AFF2: variants seen among roughly 807,000 people sequenced by gnomAD.
AFF2 encodes ALF transcription elongation factor 2.
In AFF2, 14 loss-of-function variants were observed where a neutral mutation model predicts 76.9. The observed-to-expected ratio is 0.18, with a 90% CI of 0.12 to 0.28. The LOEUF is 0.28. AFF2 is among the 10% of genes least tolerant of loss of function. The probability of loss-of-function intolerance (pLI) is 1.00; values close to 1 mark genes in which losing one functional copy is unlikely to be tolerated. For missense variants in AFF2, 868 were observed against 1,001.1 expected (o/e 0.87, Z 1.79); for synonymous variants, 398 against 366.7 (o/e 1.09, Z -0.98).
chrX:148,966,690 TTTGCC>T, intron 13 of AFF2, 95 bp from the exon 14 acceptor site: 1 of 1,110,410 alleles, frequency 9.0e-7, no homozygotes, highest in African/African-American at 1.9e-5. Flanking sequence ...TTTTTTTTTT[TTTGCC>T]TTCTTTCGTA....
chrX:148,775,409 T>G (rs7890217), intron 3 of AFF2, among the ~76,000 whole-genome samples: 1 of 112,100 alleles, frequency 8.9e-6, no homozygotes, highest in Non-Finnish European at 1.9e-5. Flanking sequence ...CTTAAACTTT[T>G]CACATTAAAT....
At chrX:148,810,144 C>T (rs2070185510) in intron 4 of AFF2, among the ~76,000 whole-genome samples, 1 of 112,018 alleles carries the variant, frequency 8.9e-6, no homozygotes, top group Non-Finnish European at 1.9e-5. Context: ...TCTGCCCTAT[C>T]CATTCCTACA....
chrX:148,902,637 A>G (rs782139062), intron 8 of AFF2, among the ~76,000 whole-genome samples: 8 of 111,779 alleles, frequency 7.2e-5, no homozygotes, highest in Non-Finnish European at 1.1e-4. Context: ...TCCTCTGTAC[A>G]TGGACTGCAA....
intron 1 of AFF2, among the ~76,000 whole-genome samples, chrX:148,602,211 A>G (rs183796322): frequency 1.8e-3 from 201 of 111,760 alleles, no homozygotes; most frequent in African/African-American, 6.5e-3. Context: ...GGAGAAAGAG[A>G]AAGGAGGCCA....
chrX:148,593,237 G>A (rs3790346), intron 1 of AFF2, among the ~76,000 whole-genome samples: 1 of 112,312 alleles, frequency 8.9e-6, no homozygotes, highest in East Asian at 2.8e-4. Context: ...TTTTATATTT[G>A]CTTAACACTT....
At chrX:148,574,517 A>C (rs1557243052) in intron 1 of AFF2, among the ~76,000 whole-genome samples, 2 of 111,638 alleles carry the variant, frequency 1.8e-5, no homozygotes, top group African/African-American at 6.5e-5. Flanking sequence ...ATCTTTCTTA[A>C]TAATAGGAGC....
intron 3 of AFF2, among the ~76,000 whole-genome samples, chrX:148,735,076 G>C (rs1326576403): frequency 8.9e-6 from 1 of 112,082 alleles, no homozygotes; most frequent in Non-Finnish European, 1.9e-5. Context: ...GTTTTGCAGA[G>C]GTTTGACAGA....
At chrX:148,730,637 T>A (rs782062682) in intron 3 of AFF2, among the ~76,000 whole-genome samples, 1 of 112,916 alleles carries the variant, frequency 8.9e-6, no homozygotes, top group African/African-American at 3.2e-5. Context: ...TGATCCGAAC[T>A]ATGTTTTTCA....
intron 1 of AFF2, among the ~76,000 whole-genome samples, chrX:148,551,794 T>A (rs1238747749): frequency 8.9e-6 from 1 of 111,847 alleles, no homozygotes; most frequent in East Asian, 2.8e-4. Flanking sequence ...TGAGAGGGTC[T>A]TTGTATACCT....
At chrX:148,667,380 A>G (rs1004317271) in intron 3 of AFF2, among the ~76,000 whole-genome samples, 3 of 112,426 alleles carry the variant, frequency 2.7e-5, no homozygotes, top group Admixed American at 9.4e-5. Flanking sequence ...AGATATGTCC[A>G]TGCAGCTACA....
chrX:148,933,921 C>T (rs189366193), intron 9 of AFF2, among the ~76,000 whole-genome samples: 2 of 112,054 alleles, frequency 1.8e-5, no homozygotes, highest in East Asian at 2.8e-4. Flanking sequence ...TTCCTTCCCA[C>T]CTGGTCATTC....
intron 1 of AFF2, among the ~76,000 whole-genome samples, chrX:148,625,000 C>CTTTTTT (rs1158584802): frequency 9.1e-6 from 1 of 109,790 alleles, no homozygotes. Flanking sequence ...CTCCATTGTT[C>CTTTTTT]TTTTTTTTTG....
At chrX:148,630,181 G>A (rs1213628208) in intron 1 of AFF2, among the ~76,000 whole-genome samples, 1 of 111,040 alleles carries the variant, frequency 9.0e-6, no homozygotes, top group Non-Finnish European at 1.9e-5. Flanking sequence ...GTAGAGACCT[G>A]TGTGCACGTT....
At chrX:148,543,200 G>A (rs1448995517) in intron 1 of AFF2, among the ~76,000 whole-genome samples, 1 of 111,487 alleles carries the variant, frequency 9.0e-6, no homozygotes, top group Admixed American at 9.6e-5. Flanking sequence ...CAAACTTCCT[G>A]AATCTGAGTC....
intron 1 of AFF2, among the ~76,000 whole-genome samples, chrX:148,526,158 C>G (rs1213903608): frequency 9.0e-6 from 1 of 111,305 alleles, no homozygotes; most frequent in Non-Finnish European, 1.9e-5. Flanking sequence ...ATAACTTTAC[C>G]TTTGTTAATT....
At chrX:148,598,659 T>TAAAA (rs2053598483) in intron 1 of AFF2, among the ~76,000 whole-genome samples, 1 of 111,712 alleles carries the variant, frequency 9.0e-6, no homozygotes, top group Non-Finnish European at 1.9e-5. Flanking sequence ...AATAAACAGA[T>TAAAA]AAAAACCTAC....
chrX:148,699,479 A>G (rs782717719), intron 3 of AFF2, among the ~76,000 whole-genome samples: 1 of 111,734 alleles, frequency 8.9e-6, no homozygotes, highest in Non-Finnish European at 1.9e-5. Context: ...AGCATCTATA[A>G]TGCCATCTGG....
intron 1 of AFF2, among the ~76,000 whole-genome samples, chrX:148,545,029 A>G (rs187825735): frequency 1.4e-3 from 158 of 111,898 alleles, no homozygotes; most frequent in Non-Finnish European, 1.3e-3. Context: ...GCATTATTCA[A>G]TTTGTTTTTT....
chrX:148,784,475 C>G (rs1557269328), intron 3 of AFF2, among the ~76,000 whole-genome samples: 1 of 111,809 alleles, frequency 8.9e-6, no homozygotes, highest in African/African-American at 3.3e-5. Flanking sequence ...GGATAGTGTA[C>G]AGGCTGGCAG....
Sources: gnomAD v4.1 joint callset for allele counts (sites outside exome capture counted in the v4.1 genomes callset) on GRCh38, gnomAD v4.1.1 for gene constraint, MANE v1.5 for transcripts, NCBI Gene and HGNC (gene_info 2026-07-23, HGNC 2026-07-21) for gene names.